NRXN3: variants seen among roughly 807,000 people sequenced by gnomAD.
NRXN3 encodes the protein neurexin III.
NRXN3 carries 32 observed loss-of-function variants against 137.6 expected under a neutral mutation model. The ratio of observed to expected loss-of-function variants is 0.23; its 90% CI spans 0.18 to 0.31. The LOEUF is 0.31. Ranked by LOEUF, NRXN3 falls within the 10% of genes least tolerant of loss-of-function variation. The probability of loss-of-function intolerance (pLI) is 1.00; values close to 1 mark genes in which losing one functional copy is unlikely to be tolerated. For synonymous variants in NRXN3, 798 were observed against 784.5 expected (o/e 1.02, Z -0.29); for missense variants, 1,574 against 2,062.5 (o/e 0.76, Z 4.59).
chr14:79,130,723 G>T (rs555263045), intron 15 of NRXN3, among the ~76,000 whole-genome samples: 1 of 152,124 alleles, frequency 6.6e-6, no homozygotes, highest in African/African-American at 2.4e-5. Context: ...TGAACGTTGG[G>T]CTGCCTTGCT....
chr14:79,847,089 T>G (rs147646098), intron 20 of NRXN3, among the ~76,000 whole-genome samples: 3 of 152,286 alleles, frequency 2.0e-5, no homozygotes, highest in Admixed American at 6.5e-5. Context: ...GAAGGTTTCA[T>G]AGTCAACAGA....
chr14:78,377,002 C>T (rs2153626434), intron 4 of NRXN3, among the ~76,000 whole-genome samples: 1 of 152,024 alleles, frequency 6.6e-6, no homozygotes, highest in South Asian at 2.1e-4. Flanking sequence ...ATCAATAGGA[C>T]AGCAGGAAAA....
intron 8 of NRXN3, among the ~76,000 whole-genome samples, chr14:78,758,760 T>C (rs2098680179): frequency 6.6e-6 from 1 of 152,250 alleles, no homozygotes; most frequent in African/African-American, 2.4e-5. Context: ...GTTTACTTTG[T>C]CATTCTGTCC....
At chr14:79,475,366 A>G (rs892794614) in intron 16 of NRXN3, among the ~76,000 whole-genome samples, 3 of 152,138 alleles carry the variant, frequency 2.0e-5, no homozygotes, top group African/African-American at 7.2e-5. Context: ...TTAGACTGTT[A>G]GTTAATGACA....
At chr14:78,918,432 C>T (rs1383002936) in intron 10 of NRXN3, among the ~76,000 whole-genome samples, 1 of 151,404 alleles carries the variant, frequency 6.6e-6, no homozygotes, top group Non-Finnish European at 1.5e-5. Context: ...AAGAACAGAA[C>T]AGAGACCTTG....
intron 16 of NRXN3, among the ~76,000 whole-genome samples, chr14:79,613,157 C>A (rs1444153521): frequency 6.6e-6 from 1 of 152,112 alleles, no homozygotes; most frequent in Non-Finnish European, 1.5e-5. Flanking sequence ...ATAAGGTAAT[C>A]TTAAAGATGG....
At chr14:78,890,202 C>T (rs950707069) in intron 10 of NRXN3, among the ~76,000 whole-genome samples, 12 of 151,676 alleles carry the variant, frequency 7.9e-5, no homozygotes, top group African/African-American at 1.7e-4. Flanking sequence ...CCATGAGAAA[C>T]GAATACAACA....
chr14:78,657,629 C>G (rs999283879), intron 6 of NRXN3, among the ~76,000 whole-genome samples: 1 of 152,148 alleles, frequency 6.6e-6, no homozygotes, highest in Non-Finnish European at 1.5e-5. Flanking sequence ...CATTTAAAAC[C>G]GAATGGAGTT....
intron 8 of NRXN3, among the ~76,000 whole-genome samples, chr14:78,717,878 T>C (rs964373181): frequency 1.6e-4 from 25 of 152,166 alleles, no homozygotes; most frequent in African/African-American, 5.8e-4. Flanking sequence ...CAGATGTCTA[T>C]AGGGAAACAG....
At chr14:78,512,355 A>T (rs1429574376) in intron 4 of NRXN3, among the ~76,000 whole-genome samples, 1 of 152,194 alleles carries the variant, frequency 6.6e-6, no homozygotes, top group African/African-American at 2.4e-5. Context: ...ACAAAGGCTG[A>T]TACAGAAAGG....
intron 16 of NRXN3, among the ~76,000 whole-genome samples, chr14:79,607,830 C>T (rs2098041807): frequency 6.6e-6 from 1 of 152,084 alleles, no homozygotes; most frequent in African/African-American, 2.4e-5. Flanking sequence ...AGGCATGTGC[C>T]ACCATGCCCG....
At chr14:79,708,393 A>G (rs1441356602) in intron 19 of NRXN3, among the ~76,000 whole-genome samples, 2 of 152,124 alleles carry the variant, frequency 1.3e-5, no homozygotes, top group Non-Finnish European at 2.9e-5. Context: ...GGAACCAATC[A>G]ATCCCCCACA....
At position 79,642,482 on chromosome 14, in the gene NRXN3, T is replaced by C. The variant is rs918876000; in HGVS notation, c.3445-21296T>C. 1.0e-4 allele frequency among the ~76,000 whole-genome samples: 14 copies of C among 135,938 alleles called. 4 individuals carry two copies. The highest frequency in any genetic ancestry group is 4.7e-4 in the South Asian group (2 of 4,294). The allele number at this position is 135,938 out of a possible 152,430, so 89.2% of individuals were successfully genotyped here. ...GTATTCTGTCATTCAATACATTTCC[T>C]CCAATACATCATATCACATTCATAT... On this transcript the variant is annotated intron_variant, in intron 16 of 20. Transcript: ENST00000335750.
chr14:78,633,807 T>C (rs1341275921), intron 4 of NRXN3, among the ~76,000 whole-genome samples: 1 of 152,204 alleles, frequency 6.6e-6, no homozygotes, highest in Non-Finnish European at 1.5e-5. Context: ...ATTAACCACA[T>C]TTAACAAAAT....
intron 4 of NRXN3, among the ~76,000 whole-genome samples, chr14:78,481,236 A>G (rs576031576): frequency 6.6e-6 from 1 of 152,182 alleles, no homozygotes; most frequent in South Asian, 2.1e-4. Context: ...TTGGTGAATG[A>G]TAGTCTCTGT....
intron 15 of NRXN3, among the ~76,000 whole-genome samples, chr14:79,297,273 C>T (rs1472561600): frequency 6.6e-6 from 1 of 151,988 alleles, no homozygotes; most frequent in African/African-American, 2.4e-5. Context: ...AAGTAGATTC[C>T]ACTGGGGTTA....
chr14:79,731,604 C>T (rs896834809), intron 19 of NRXN3, among the ~76,000 whole-genome samples: 2 of 151,224 alleles, frequency 1.3e-5, no homozygotes, highest in African/African-American at 4.9e-5. Flanking sequence ...AACTAGTGAA[C>T]TCCTTGGTTC....
Position 79,813,825 on chromosome 14 carries a change from T to C in NRXN3, c.4093+8635T>C, listed in dbSNP as rs572479661. On this transcript the variant is annotated intron_variant, in intron 20 of 20. Transcript: ENST00000335750. Reference sequence around the variant, plus strand: ...ATGACAATGTAATTAATTGAAAAGATAAGAGTCAGAAAAAAATAAAAGAAA... The same window carrying C: ...ATGACAATGTAATTAATTGAAAAGACAAGAGTCAGAAAAAAATAAAAGAAA... Among the ~76,000 whole-genome samples the C allele has an allele frequency of 2.6e-5, 4 of 152,174 alleles. No individual in the cohort carries two copies. The South Asian group carries it at 8.3e-4, about 32-fold the overall frequency.
At chr14:79,703,126 A>G (rs1385370774) in intron 19 of NRXN3, among the ~76,000 whole-genome samples, 1 of 152,160 alleles carries the variant, frequency 6.6e-6, no homozygotes, top group African/African-American at 2.4e-5. Context: ...TAACTAGTCA[A>G]AATGAAAGAC....
Sources: allele counts gnomAD v4.1 joint callset (sites outside exome capture counted in the v4.1 genomes callset), GRCh38; gene constraint gnomAD v4.1.1; transcripts MANE v1.5; gene names NCBI Gene and HGNC (gene_info 2026-07-23, HGNC 2026-07-21).